CELF4: variants seen among roughly 807,000 people sequenced by gnomAD.
CELF4 encodes the protein CUG-BP- and ETR-3-like factor 4.
A neutral mutation model predicts 59.9 loss-of-function variants in CELF4; 18 were observed. The ratio of observed to expected loss-of-function variants is 0.30; its 90% CI spans 0.21 to 0.45. CELF4 has a LOEUF of 0.45. Ranked by LOEUF, CELF4 falls within the 20% of genes least tolerant of loss-of-function variation. CELF4 has a pLI of 1.00. For missense variants in CELF4, 456 were observed against 689.0 expected, an observed-to-expected ratio of 0.66 and a Z score of 3.79; for synonymous variants, 261 against 267.1, an observed-to-expected ratio of 0.98 and a Z score of 0.22.
At chr18:37,259,081 T>C (rs536489499) in intron 11 of CELF4, 100 bp downstream of exon 11, 1 of 1,583,538 alleles carries the variant, frequency 6.3e-7, no homozygotes, top group African/African-American at 1.3e-5. Context: ...AGCACCGCCC[T>C]GTCCTAGGTG....
intron 1 of CELF4, 175 bp from the exon 2 acceptor site, chr18:37,485,782 GCTGT>G: frequency 2.6e-6 from 1 of 390,152 alleles, no homozygotes; most frequent in Non-Finnish European, 4.5e-6. Flanking sequence ...GGTGTTCCCG[GCTGT>G]CTGCCTCTCG....
At chr18:37,426,184 G>A (rs1245211035) in intron 2 of CELF4, among the ~76,000 whole-genome samples, 3 of 152,226 alleles carry the variant, frequency 2.0e-5, no homozygotes, top group South Asian at 2.1e-4. Context: ...AGGATGATAC[G>A]GGGGAAGGGT....
rs114361765 is a variant in CELF4, at chr18:37,521,515, T to G, written c.287-35908A>C. 4.2e-3 allele frequency among the ~76,000 whole-genome samples: 646 copies of G among 152,316 alleles called. 9 individuals are homozygous for G. The highest frequency in any genetic ancestry group is 0.015 in the African/African-American group (604 of 41,560). Reference sequence around the variant, plus strand: ...ATCTAAAATCATATTAATATTAATATTAAAGATTTTCTGTCCTCTACGTGC... The same window carrying G: ...ATCTAAAATCATATTAATATTAATAGTAAAGATTTTCTGTCCTCTACGTGC... On this transcript the variant is annotated intron_variant, in intron 1 of 12. Transcript: ENST00000420428.
At chr18:37,382,856 C>T (rs1029581326) in intron 2 of CELF4, among the ~76,000 whole-genome samples, 3 of 152,108 alleles carry the variant, frequency 2.0e-5, no homozygotes, top group Non-Finnish European at 2.9e-5. Flanking sequence ...TGCTCACCTG[C>T]CCCCCTCCAC....
rs78503294 is a variant in CELF4, at chr18:37,565,713, T to G, written c.-72A>C. 3 of 614,726 alleles carry G rather than the reference T, an allele frequency of 4.9e-6. No homozygotes were observed. Among genetic ancestry groups the G allele is most frequent in the African/African-American group, 3.6e-5 (2 of 55,164 alleles). 38.1% of individuals were successfully genotyped at this position (614,726 alleles called of 1,614,324 possible). A position where few individuals can be genotyped will look rare whatever the true frequency, so the allele number is the denominator to read the frequency against. On this transcript the variant is annotated 5_prime_UTR_variant, in exon 1 of 13. The change abolishes the stop of an existing upstream ORF in the 5' untranslated region. Transcript: ENST00000420428. Reference sequence around the variant, plus strand: ...GCTCCTCTCTCTCGCTCGCTCGCGCTCACACACGCACACGCATACACACAC... The same window carrying G: ...GCTCCTCTCTCTCGCTCGCTCGCGCGCACACACGCACACGCATACACACAC...
intron 2 of CELF4, among the ~76,000 whole-genome samples, chr18:37,430,591 A>G (rs1362340312): frequency 6.6e-6 from 1 of 152,230 alleles, no homozygotes; most frequent in Non-Finnish European, 1.5e-5. Flanking sequence ...AAACGACCAG[A>G]TAACTGAGGT....
intron 2 of CELF4, among the ~76,000 whole-genome samples, chr18:37,394,715 C>T (rs1013438834): frequency 6.6e-6 from 1 of 152,132 alleles, no homozygotes; most frequent in Non-Finnish European, 1.5e-5. Flanking sequence ...GGTGGGAGGA[C>T]TGAAGGGTCC....
chr18:37,379,162 C>T (rs2099006755), intron 2 of CELF4, among the ~76,000 whole-genome samples: 1 of 152,160 alleles, frequency 6.6e-6, no homozygotes, highest in Admixed American at 6.5e-5. Context: ...CTGGCCTAGG[C>T]AGGCACCTAG....
chr18:37,349,962 C>A (rs1222811631), intron 2 of CELF4, among the ~76,000 whole-genome samples: 1 of 152,130 alleles, frequency 6.6e-6, no homozygotes, highest in Non-Finnish European at 1.5e-5. Context: ...CCCTCGATCA[C>A]ATGCGACGTG....
At chr18:37,353,191 A>C (rs1466677856) in intron 2 of CELF4, among the ~76,000 whole-genome samples, 1 of 141,060 alleles carries the variant, frequency 7.1e-6, no homozygotes, top group African/African-American at 2.6e-5. Flanking sequence ...ACTGCACTCC[A>C]GCCTGGGCAA....
chr18:37,434,220 C>G (rs1312403338), intron 2 of CELF4, among the ~76,000 whole-genome samples: 2 of 152,196 alleles, frequency 1.3e-5, no homozygotes, highest in African/African-American at 4.8e-5. Context: ...TTTCAAGGCC[C>G]TACACGATTA....
At chr18:37,307,873 A>T (rs1401846991) in intron 3 of CELF4, among the ~76,000 whole-genome samples, 1 of 152,182 alleles carries the variant, frequency 6.6e-6, no homozygotes, top group Admixed American at 6.5e-5. Flanking sequence ...CCGCTGGACA[A>T]AGCATTGCAG....
chr18:37,390,804 G>GAGGGGC (rs759387784), intron 2 of CELF4, among the ~76,000 whole-genome samples: 1 of 66,282 alleles, frequency 1.5e-5, no homozygotes, highest in Admixed American at 1.4e-4. Flanking sequence ...TGATGGGGCG[G>GAGGGGC]GGAGGGGGGG....
chr18:37,369,608 C>T (rs1364213381), intron 2 of CELF4, among the ~76,000 whole-genome samples: 2 of 152,186 alleles, frequency 1.3e-5, no homozygotes, highest in Non-Finnish European at 2.9e-5. Context: ...TCTCTGCCCT[C>T]GTTGCTTATA....
At chr18:37,320,979 T>C (rs72883694) in intron 3 of CELF4, among the ~76,000 whole-genome samples, 9,248 of 152,136 alleles carry the variant, frequency 0.061, 330 homozygotes, top group Middle Eastern at 0.11. Flanking sequence ...GCCATGTCCT[T>C]GCCTTTCATT....
chr18:37,306,466 G>T (rs1358745382), intron 3 of CELF4: 1 of 152,340 alleles, frequency 6.6e-6, no homozygotes, highest in Admixed American at 6.5e-5. Flanking sequence ...CCAGGACAGG[G>T]GACACAGAAT....
chr18:37,400,861 A>T (rs2099318017), intron 2 of CELF4, among the ~76,000 whole-genome samples: 1 of 152,214 alleles, frequency 6.6e-6, no homozygotes, highest in Admixed American at 6.5e-5. Flanking sequence ...ACAGATGGAG[A>T]CGCCTGAATT....
chr18:37,258,460 C>T (rs2071693616), intron 11 of CELF4, among the ~76,000 whole-genome samples: 2 of 152,170 alleles, frequency 1.3e-5, no homozygotes, highest in Admixed American at 6.5e-5. Flanking sequence ...TTAGGTGCCT[C>T]GCAGATTTCA....
At chr18:37,285,271 C>T (rs1041412626) in intron 3 of CELF4, among the ~76,000 whole-genome samples, 7 of 152,320 alleles carry the variant, frequency 4.6e-5, no homozygotes, top group African/African-American at 1.7e-4. Flanking sequence ...AAAGTTTTTC[C>T]TTTTGAGTCC....
Sources: gnomAD v4.1 joint callset for allele counts (sites outside exome capture counted in the v4.1 genomes callset) on GRCh38, gnomAD v4.1.1 for gene constraint, MANE v1.5 for transcripts, NCBI Gene and HGNC (gene_info 2026-07-23, HGNC 2026-07-21) for gene names.